ACP7: variants seen among roughly 807,000 people sequenced by gnomAD.
The protein encoded by ACP7 is acid phosphatase type 7.
A neutral mutation model predicts 60.6 loss-of-function variants in ACP7; 58 were observed. That is an observed-to-expected ratio of 0.96 (90% CI 0.77 to 1.19). The LOEUF (loss-of-function observed/expected upper bound fraction) is 1.19, where lower values mean the gene tolerates loss of function less well. Ranked by LOEUF, ACP7 falls within the 50% of genes most tolerant of loss-of-function variation. The pLI, the probability that ACP7 is intolerant of heterozygous loss-of-function variation, is 0.00. For missense variants in ACP7, 574 were observed against 596.2 expected, an observed-to-expected ratio of 0.96 and a Z score of 0.39; for synonymous variants, 237 against 232.6, an observed-to-expected ratio of 1.02 and a Z score of -0.17.
chr19:39,102,743 C>G (rs1403785884), intron 11 of ACP7, among the ~76,000 whole-genome samples: 4 of 82,532 alleles, frequency 4.8e-5, no homozygotes, highest in African/African-American at 1.3e-4. Context: ...TTCTTTCTTT[C>G]TTTCTTTCTT....
intron 2 of ACP7, among the ~76,000 whole-genome samples, chr19:39,095,891 T>C (rs1320928225): frequency 6.6e-6 from 1 of 152,220 alleles, no homozygotes; most frequent in African/African-American, 2.4e-5. Flanking sequence ...TTGCACCCTC[T>C]GAAGCCACGG....
At position 39,098,912 on chromosome 19, in the gene ACP7, G is replaced by A. The variant is rs1357910419; in HGVS notation, c.323-48G>A. 2.9e-6 allele frequency: 3 copies of A among 1,025,770 alleles called. No individual in the cohort carries two copies. In the South Asian group the frequency reaches 5.1e-5, roughly 17 times the overall value. The allele number at this position is 1,025,770 out of a possible 1,614,324, so 63.5% of individuals were successfully genotyped here. A position where few individuals can be genotyped will look rare whatever the true frequency, so the allele number is the denominator to read the frequency against. On this transcript the variant is annotated intron_variant, in intron 3 of 12. Transcript: ENST00000331256. Reference sequence around the variant, plus strand: ...CGGGGAAGGATGGGGTTGGAGGGAGGGTCCCGGGGCGCCCCAGCTGACTGC... The same window carrying A: ...CGGGGAAGGATGGGGTTGGAGGGAGAGTCCCGGGGCGCCCCAGCTGACTGC...
chr19:39,109,685 TAAAAAAAAAAAAAAA>T (rs34682645), intron 12 of ACP7, among the ~76,000 whole-genome samples: 8 of 65,502 alleles, frequency 1.2e-4, no homozygotes, highest in Non-Finnish European at 2.1e-4. Context: ...AGACTCTGTC[TAAAAAAAAAAAAAAA>T]AAAAAAAAAG....
In ACP7 at chr19:39,085,248, C is replaced by T; in HGVS notation, c.-22C>T. ...CTCAGTCCCCCTGCTTTTCCCCGGT[C>T]TGCCATCACCACCCCACCACCATGC... On this transcript the variant is annotated 5_prime_UTR_variant, in exon 2 of 13. Transcript: ENST00000331256. 6.2e-7 allele frequency: 1 copy of T among 1,605,834 alleles called. No homozygotes were observed. The highest frequency in any genetic ancestry group is 8.5e-7 in the Non-Finnish European group (1 of 1,175,946).
chr19:39,109,793 C>CACTT (rs1289953962), intron 12 of ACP7, among the ~76,000 whole-genome samples: 16 of 151,248 alleles, frequency 1.1e-4, no homozygotes, highest in Admixed American at 9.9e-4. Flanking sequence ...TAATAGCCTA[C>CACTT]ACTTACATAG....
At chr19:39,097,334 C>T (rs530589223) in intron 2 of ACP7, among the ~76,000 whole-genome samples, 1 of 150,326 alleles carries the variant, frequency 6.7e-6, no homozygotes, top group Non-Finnish European at 1.5e-5. Flanking sequence ...AACCATCTCA[C>T]CGAGGTTGCA....
chr19:39,101,292 G>T lies in ACP7; in HGVS notation c.978G>T (p.Val326=). 1 of 1,614,198 alleles carries T rather than the reference G, an allele frequency of 6.2e-7. No individual in the cohort carries two copies. The change falls in exon 10 of 13, where the codon GTG becomes GTT. Residue 326 remains valine (V), a synonymous_variant. Coordinates refer to ENST00000331256, the MANE Select transcript of ACP7 (RefSeq NM_001004318.3). ...GLEDLFYKYG[V]DLQLWAHEHS... is the part of the protein sequence containing the mutation. ...TCCCCGCTTGCTCTATCTCAGGAGT[G>T]GATCTGCAGCTGTGGGCTCATGAGC... is the stretch of plus-strand genomic sequence containing the variant.
intron 11 of ACP7, among the ~76,000 whole-genome samples, chr19:39,102,120 T>TCACACACACA (rs561424510): frequency 5.4e-4 from 79 of 145,838 alleles, no homozygotes; most frequent in African/African-American, 1.7e-3. Context: ...ACCCTTTCTC[T>TCACACACACA]CACACACACA....
intron 5 of ACP7, 59 bp downstream of exon 5, chr19:39,100,409 C>A: frequency 6.2e-7 from 1 of 1,606,660 alleles, no homozygotes; most frequent in South Asian, 1.1e-5. Flanking sequence ...TGGTCTCGTT[C>A]TTCTTAGTGT....
chr19:39,106,817 C>T (rs1258338468), intron 11 of ACP7, 130 bp from the exon 12 acceptor site: 2 of 1,145,048 alleles, frequency 1.7e-6, no homozygotes, highest in South Asian at 1.6e-5. Context: ...AGCCACTGCG[C>T]CCGGCCTCTA....
At chr19:39,098,785 T>A (rs2073302240) in intron 3 of ACP7, 127 bp downstream of exon 3, 1 of 1,349,036 alleles carries the variant, frequency 7.4e-7, no homozygotes, top group Admixed American at 2.5e-5. Context: ...GCAAGCCTGT[T>A]GTATGAGACC....
Position 39,098,981 on chromosome 19 carries a change from A to G in ACP7, c.344A>G (p.Gln115Arg), listed in dbSNP as rs770489393. The G allele has an allele frequency of 1.2e-6, 2 of 1,611,654 alleles. No individual in the cohort carries two copies. Among genetic ancestry groups the G allele is most frequent in the Non-Finnish European group, 1.7e-6 (2 of 1,179,030 alleles). Residue 115 changes from glutamine (Q) to arginine (R), a missense_variant, in exon 4 of 13, where the codon CAG (glutamine) becomes CGG (arginine). Transcript: ENST00000331256. ...TCAGTTTATCGCTGTGGCAGTGCGC[A>G]GGGCTGGAGCCGTCGGTTCCGCTTC... ...VQYVYRCGSAQGWSRRFRFRA... is the reference protein window; with the variant it reads ...VQYVYRCGSARGWSRRFRFRA...
At position 39,099,061 on chromosome 19, in the gene ACP7, C is replaced by G. The variant is rs966533932; in HGVS notation, c.424C>G (p.Leu142Val). The part of the protein sequence containing the change: ...WSPRLAVFGD[L>V]GADNPKAVPR... Reference sequence around the variant, plus strand: ...TCCCCGTCTGGCTGTGTTTGGAGACCTGGGGGCTGACAACCCGAAGGCCGT... The same window carrying G: ...TCCCCGTCTGGCTGTGTTTGGAGACGTGGGGGCTGACAACCCGAAGGCCGT... The change falls in exon 4 of 13, where the codon CTG becomes GTG. Residue 142 changes from leucine to valine, a missense_variant. Physicochemically the swap from Leu to Val is conservative, Grantham distance 32 (BLOSUM62 1). Coordinates refer to ENST00000331256, the MANE Select transcript of ACP7 (RefSeq NM_001004318.3). The G allele has an allele frequency of 9.9e-6, 16 of 1,610,500 alleles. No individual in the cohort carries two copies. The highest frequency in any genetic ancestry group is 1.3e-5 in the African/African-American group (1 of 74,642).
At chr19:39,098,686 G>A (rs2073300665) in intron 3 of ACP7, 28 bp downstream of exon 3, 2 of 1,587,296 alleles carry the variant, frequency 1.3e-6, no homozygotes, top group Non-Finnish European at 1.7e-6. Context: ...CTGAGCTGTT[G>A]AGGAGGAGTG....
intron 11 of ACP7, among the ~76,000 whole-genome samples, chr19:39,103,437 A>ATGTG (rs1489750114): frequency 2.3e-4 from 23 of 98,522 alleles, no homozygotes; most frequent in Non-Finnish European, 3.7e-4. Context: ...CAGGATCATC[A>ATGTG]TGTGTTTTTT....
chr19:39,107,183 A>G, intron 12 of ACP7, 99 bp downstream of exon 12: 1 of 1,281,458 alleles, frequency 7.8e-7, no homozygotes, highest in South Asian at 2.4e-5. Context: ...GCAGTGGCTC[A>G]TGCCTGCAAC....
chr19:39,091,272 C>T (rs2073201585), intron 2 of ACP7, among the ~76,000 whole-genome samples: 1 of 151,854 alleles, frequency 6.6e-6, no homozygotes, highest in Non-Finnish European at 1.5e-5. Context: ...AAGCGATTCT[C>T]CTGCCTCAGC....
chr19:39,103,524 T>A (rs2073380779), intron 11 of ACP7, among the ~76,000 whole-genome samples: 1 of 151,260 alleles, frequency 6.6e-6, no homozygotes, highest in Non-Finnish European at 1.5e-5. Context: ...TTTAATTTTT[T>A]AATTTAATTT....
chr19:39,085,530 G>A, intron 2 of ACP7, 140 bp downstream of exon 2: 1 of 1,193,812 alleles, frequency 8.4e-7, no homozygotes. Flanking sequence ...CCACCTCTGT[G>A]GAATAGGAAG....
Sources: allele counts gnomAD v4.1 joint callset (sites outside exome capture counted in the v4.1 genomes callset), GRCh38; gene constraint gnomAD v4.1.1; transcripts MANE v1.5; gene names NCBI Gene and HGNC (gene_info 2026-07-23, HGNC 2026-07-21).